Variants in SEMA3A observed in about 807,000 individuals in gnomAD.
SEMA3A encodes semaphorin-3A.
A neutral mutation model predicts 97.9 loss-of-function variants in SEMA3A; 29 were observed. The observed-to-expected ratio is 0.30, with a 90% confidence interval of 0.22 to 0.40. SEMA3A has a LOEUF of 0.40. Ranked by LOEUF, SEMA3A falls within the 10% of genes least tolerant of loss-of-function variation. The pLI is 1.00. For missense variants in SEMA3A, 763 were observed against 951.3 expected (o/e 0.80, Z 2.60); for synonymous variants, 321 against 323.7 (o/e 0.99, Z 0.09).
At chr7:84,229,279 A>T (rs1004754880) in intron 3 of SEMA3A, among the ~76,000 whole-genome samples, 5 of 152,176 alleles carry the variant, frequency 3.3e-5, no homozygotes, top group African/African-American at 1.2e-4. Context: ...ATTAAAAAGC[A>T]TTTTTAAAAG....
chr7:84,208,286 A>T (rs1798543873), intron 3 of SEMA3A, among the ~76,000 whole-genome samples: 1 of 152,086 alleles, frequency 6.6e-6, no homozygotes. Context: ...CCCCGCCTCT[A>T]CTAAAAATAC....
chr7:84,449,023 A>G (rs1688111691), intron 1 of SEMA3A, among the ~76,000 whole-genome samples: 1 of 152,168 alleles, frequency 6.6e-6, no homozygotes, highest in Non-Finnish European at 1.5e-5. Context: ...TTTCAACAAA[A>G]TTGCCAAGAC....
chr7:84,189,938 G>A (rs932059409), intron 1 of SEMA3A, among the ~76,000 whole-genome samples: 2 of 151,486 alleles, frequency 1.3e-5, no homozygotes, highest in African/African-American at 4.8e-5. Context: ...AGTAAACTAC[G>A]TATTTCATGT....
intron 2 of SEMA3A, among the ~76,000 whole-genome samples, chr7:84,362,784 TA>T (rs1239747942): frequency 2.0e-5 from 3 of 151,902 alleles, no homozygotes; most frequent in African/African-American, 7.2e-5. Flanking sequence ...GAAGGCAGAA[TA>T]AAGATAAAAA....
intron 1 of SEMA3A, among the ~76,000 whole-genome samples, chr7:84,393,136 GT>G (rs1554376412): frequency 6.6e-6 from 1 of 152,018 alleles, no homozygotes; most frequent in Non-Finnish European, 1.5e-5. Context: ...TTATTGTATA[GT>G]TTTTGCCCCT....
intron 15 of SEMA3A, among the ~76,000 whole-genome samples, chr7:83,972,439 T>C (rs1788955273): frequency 6.6e-6 from 1 of 152,100 alleles, no homozygotes; most frequent in South Asian, 2.1e-4. Context: ...TTTTCATGAT[T>C]TTATAGCAAA....
chr7:84,438,911 C>A (rs1805203337), intron 1 of SEMA3A, among the ~76,000 whole-genome samples: 1 of 151,954 alleles, frequency 6.6e-6, no homozygotes, highest in South Asian at 2.1e-4. Flanking sequence ...CAGTTAATTA[C>A]TTTTAAACAT....
intron 1 of SEMA3A, among the ~76,000 whole-genome samples, chr7:84,164,813 A>G (rs557511441): frequency 6.6e-6 from 1 of 152,274 alleles, no homozygotes; most frequent in East Asian, 1.9e-4. Context: ...CACTTTCCTT[A>G]TTACCAATGT....
chr7:83,977,260 TAAGAATG>T, intron 14 of SEMA3A, 64 bp from the exon 15 acceptor site: 1 of 923,042 alleles, frequency 1.1e-6, no homozygotes, highest in African/African-American at 1.7e-5. Context: ...GAATTTGTCA[TAAGAATG>T]AAGAGAAATA....
chr7:84,286,887 T>C (rs1394165030), intron 3 of SEMA3A, among the ~76,000 whole-genome samples: 2 of 152,176 alleles, frequency 1.3e-5, no homozygotes, highest in Admixed American at 6.6e-5. Context: ...ATCTAAATAT[T>C]TGATGTCATT....
intron 2 of SEMA3A, among the ~76,000 whole-genome samples, chr7:84,345,148 A>T (rs139374904): frequency 1.3e-5 from 2 of 152,324 alleles, no homozygotes; most frequent in African/African-American, 4.8e-5. Flanking sequence ...CCCAGTGCAT[A>T]TAAAAGTTAT....
At chr7:84,088,495 T>A (rs1404558451) in intron 4 of SEMA3A, among the ~76,000 whole-genome samples, 2 of 152,120 alleles carry the variant, frequency 1.3e-5, no homozygotes, top group Non-Finnish European at 2.9e-5. Flanking sequence ...ATGCTAGTTT[T>A]ATGTCTCTAA....
At chr7:84,079,889 A>G (rs1320449464) in intron 4 of SEMA3A, among the ~76,000 whole-genome samples, 1 of 147,550 alleles carries the variant, frequency 6.8e-6, no homozygotes, top group Admixed American at 6.8e-5. Flanking sequence ...TGCTGCTATA[A>G]AGACACTTGC....
At chr7:84,354,979 T>A (rs1484070184) in intron 2 of SEMA3A, among the ~76,000 whole-genome samples, 1 of 151,760 alleles carries the variant, frequency 6.6e-6, no homozygotes, top group Non-Finnish European at 1.5e-5. Flanking sequence ...TTTCAACTTC[T>A]TCAGAATGGA....
At chr7:84,168,206 A>G (rs1797275357) in intron 1 of SEMA3A, among the ~76,000 whole-genome samples, 1 of 152,030 alleles carries the variant, frequency 6.6e-6, no homozygotes, top group African/African-American at 2.4e-5. Flanking sequence ...AAAAATAAAC[A>G]AAGAGGTAGC....
intron 15 of SEMA3A, among the ~76,000 whole-genome samples, chr7:83,973,877 TA>T (rs3839777): frequency 0.37 from 54,357 of 147,564 alleles, 10,333 homozygotes; most frequent in Middle Eastern, 0.49. Context: ...ATGGTACAGT[TA>T]AAAAAAAATT....
upstream of SEMA3A, among the ~76,000 whole-genome samples, chr7:84,200,076 C>A (rs1173690708): frequency 6.6e-6 from 1 of 151,744 alleles, no homozygotes. Context: ...CCCCTCCATG[C>A]CCTGACCCAC....
At chr7:84,034,382 T>G (rs1791869919) in intron 6 of SEMA3A, among the ~76,000 whole-genome samples, 1 of 152,234 alleles carries the variant, frequency 6.6e-6, no homozygotes, top group Non-Finnish European at 1.5e-5. Flanking sequence ...TATGCAAATT[T>G]TTAACATGAT....
intron 4 of SEMA3A, among the ~76,000 whole-genome samples, chr7:84,080,322 T>C (rs1366198434): frequency 1.3e-5 from 2 of 151,646 alleles, no homozygotes; most frequent in Non-Finnish European, 2.9e-5. Context: ...CTGCACATTG[T>C]GCACATGTGC....
Sources: allele counts gnomAD v4.1 joint callset (sites outside exome capture counted in the v4.1 genomes callset), GRCh38; gene constraint gnomAD v4.1.1; transcripts MANE v1.5; gene names NCBI Gene and HGNC (gene_info 2026-07-23, HGNC 2026-07-21).